The following MGAM2 variants were observed in gnomAD, a reference collection of about 807,000 sequenced individuals.
MGAM2 encodes the protein probable maltase-glucoamylase 2.
A neutral mutation model predicts 96.1 loss-of-function variants in MGAM2; 98 were observed. The ratio of observed to expected loss-of-function variants is 1.02; its 90% CI spans 0.87 to 1.21. The LOEUF is 1.21. MGAM2 is among the 50% of genes most tolerant of loss of function. The pLI is 0.00. For missense variants in MGAM2, 2,055 were observed against 1,182.4 expected (o/e 1.74, Z -10.82); for synonymous variants, 749 against 414.8 (o/e 1.81, Z -9.79).
rs1200194828 is a variant in MGAM2 at position 142,143,831 on chromosome 7, A to G, written c.1380A>G (p.Thr460=). The part of the protein sequence containing the change: ...YTNPVCTEWW[T]DQVAKFHDHL... ...ATCCAGTATGCACTGAGTGGTGGAC[A>G]GATCAGGTCGCTAAATTTCATGATC... is the stretch of plus-strand genomic sequence containing the variant. Residue 460 remains threonine, a synonymous_variant, in exon 13 of 48, where the codon ACA becomes ACG. Transcript: ENST00000477922. 1 of 702,876 alleles carries G rather than the reference A, an allele frequency of 1.4e-6. No individual in the cohort carries two copies. 43.5% of individuals were successfully genotyped at this position (702,876 alleles called of 1,614,324 possible).
At chr7:142,170,378 G>A in intron 27 of MGAM2, 149 bp downstream of exon 27, 1 of 504,324 alleles carries the variant, frequency 2.0e-6, no homozygotes, top group Non-Finnish European at 3.5e-6. Context: ...ATGCTTTAAT[G>A]GATAATTTGT....
intron 31 of MGAM2, among the ~76,000 whole-genome samples, chr7:142,174,715 C>CTTTTTTTGTTTTTTTTT (rs1796311096): frequency 1.2e-5 from 1 of 85,460 alleles, no homozygotes; most frequent in African/African-American, 5.7e-5. Context: ...CTCTCTCTCT[C>CTTTTTTTGTTTTTTTTT]TTTTTTTTTT....
chr7:142,194,929 T>G (rs1796984898), intron 37 of MGAM2, among the ~76,000 whole-genome samples: 1 of 152,204 alleles, frequency 6.6e-6, no homozygotes, highest in African/African-American at 2.4e-5. Flanking sequence ...CTTTCTCTTT[T>G]GTTCAGTTGA....
chr7:142,203,495 C>T (rs927510791), intron 45 of MGAM2, among the ~76,000 whole-genome samples: 1 of 152,050 alleles, frequency 6.6e-6, no homozygotes, highest in Non-Finnish European at 1.5e-5. Context: ...TAGAAAAAAA[C>T]TATTCTAAAA....
In MGAM2 at chr7:142,143,750, G is replaced by T. The variant is rs1371281692; in HGVS notation, c.1318-19G>T. ...ACCTTCAACCAAGCTGATTGCCACT[G>T]CCTTCCTCTGTGTCCTAGGGATATC... On this transcript the variant is annotated intron_variant, in intron 12 of 47. Transcript: ENST00000477922. The T allele has an allele frequency of 5.1e-6, 3 of 588,138 alleles. No individual in the cohort carries two copies. The highest frequency in any genetic ancestry group is 2.5e-4 in the Middle Eastern group (1 of 3,952). The allele number at this position is 588,138 out of a possible 1,614,324, so 36.4% of individuals were successfully genotyped here. A position where few individuals can be genotyped will look rare whatever the true frequency, so the allele number is the denominator to read the frequency against.
At position 142,206,861 on chromosome 7, in the gene MGAM2, G is replaced by C. The variant is rs140954308; in HGVS notation, c.5138-1712G>C. On this transcript the variant is annotated intron_variant, in intron 45 of 47. Transcript: ENST00000477922. ...ATTTATTTAACTTTTCCTCACATAG[G>C]TGATATAATGGCTGTTCAAGGATAA... is the stretch of plus-strand genomic sequence containing the variant. Among the ~76,000 whole-genome samples the C allele has an allele frequency of 3.1e-4, 47 of 152,240 alleles. No individual in the cohort carries two copies. The East Asian group carries it at 6.2e-3, about 20-fold the overall frequency.
chr7:142,191,077 G>A (rs1427179367), intron 37 of MGAM2, among the ~76,000 whole-genome samples: 1 of 151,940 alleles, frequency 6.6e-6, no homozygotes, highest in African/African-American at 2.4e-5. Context: ...TGAGGCTGCA[G>A]TGAACTATGA....
At chr7:142,152,732 T>C (rs762881568) in intron 15 of MGAM2, among the ~76,000 whole-genome samples, 5 of 152,204 alleles carry the variant, frequency 3.3e-5, no homozygotes, top group Admixed American at 6.5e-5. Context: ...AACTGTGGCG[T>C]GGCTCAGGTC....
intron 46 of MGAM2, among the ~76,000 whole-genome samples, chr7:142,214,745 A>C (rs766682285): frequency 4.6e-5 from 7 of 152,228 alleles, no homozygotes; most frequent in Admixed American, 2.0e-4. Context: ...TCAAAACCAC[A>C]ATGAGATATC....
intron 34 of MGAM2, 111 bp downstream of exon 34, chr7:142,185,250 G>A (rs1458022733): frequency 1.7e-6 from 1 of 600,032 alleles, no homozygotes; most frequent in Admixed American, 2.5e-5. Flanking sequence ...CCTAACTTGA[G>A]GGTGCTTATC....
rs1222218402 is a variant in MGAM2, at chr7:142,199,963, G to A, written c.5132G>A (p.Ser1711Asn). The change falls in exon 45 of 48, where the codon AGC becomes AAC. Residue 1711 changes from serine (S) to asparagine (N), a missense_variant. Transcript: ENST00000477922. ...EGQVFWDDGQ[S>N]IDTYENGNYF... is the part of the protein sequence containing the mutation. Reference sequence around the variant, plus strand: ...CAGGTGTTCTGGGATGATGGACAAAGCATTGGTGAGTATAAACTTTCCAGG... The same window carrying A: ...CAGGTGTTCTGGGATGATGGACAAAACATTGGTGAGTATAAACTTTCCAGG... 2 of 680,118 alleles carry A rather than the reference G, an allele frequency of 2.9e-6. No homozygotes were observed. The highest frequency in any genetic ancestry group is 2.1e-5 in the Admixed American group (1 of 47,844). The allele number at this position is 680,118 out of a possible 1,614,324, so 42.1% of individuals were successfully genotyped here.
At position 142,131,549 on chromosome 7, in the gene MGAM2, A is replaced by C; in HGVS notation, c.342A>C (p.Ser114=). 1.4e-6 allele frequency: 1 copy of C among 702,964 alleles called. No individual in the cohort carries two copies. Among genetic ancestry groups the C allele is most frequent in the Admixed American group, 2.0e-5 (1 of 50,008 alleles). The allele number at this position is 702,964 out of a possible 1,614,324, so 43.5% of individuals were successfully genotyped here. Residue 114 remains serine, a synonymous_variant, in exon 5 of 48, where the codon TCA becomes TCC. Transcript: ENST00000477922. ...GFTAQLKRLP[S]PSLFGNDVAT... is the part of the protein sequence containing the mutation. ...CTGCCCAGTTGAAAAGGTTGCCATC[A>C]CCATCTCTGTTTGGAAATGATGTCG... is the stretch of plus-strand genomic sequence containing the variant.
At chr7:142,204,693 A>G (rs1280963899) in intron 45 of MGAM2, among the ~76,000 whole-genome samples, 2 of 152,138 alleles carry the variant, frequency 1.3e-5, no homozygotes. Flanking sequence ...TGTTATTAAT[A>G]TGTAAAGTAA....
At chr7:142,213,932 C>T (rs1228202613) in intron 46 of MGAM2, among the ~76,000 whole-genome samples, 1 of 152,166 alleles carries the variant, frequency 6.6e-6, no homozygotes, top group East Asian at 1.9e-4. Flanking sequence ...TACTGGCAAA[C>T]CGAATCCAGC....
At chr7:142,119,978 C>T (rs182852546) in intron 2 of MGAM2, among the ~76,000 whole-genome samples, 24 of 152,254 alleles carry the variant, frequency 1.6e-4, no homozygotes, top group Admixed American at 5.2e-4. Flanking sequence ...AATTCGACAG[C>T]GGTCACAGGT....
chr7:142,180,084 G>C (rs1334742726), intron 32 of MGAM2, among the ~76,000 whole-genome samples: 2 of 151,932 alleles, frequency 1.3e-5, no homozygotes, highest in Non-Finnish European at 2.9e-5. Flanking sequence ...TTCAGTCTTG[G>C]GAGGTTGTGT....
chr7:142,221,828 C>G lies in MGAM2; in HGVS notation c.7317C>G (p.Leu2439=), dbSNP rs1181096780. 2.5e-6 allele frequency: 1 copy of G among 400,106 alleles called. No individual in the cohort carries two copies. The highest frequency in any genetic ancestry group is 2.1e-5 in the African/African-American group (1 of 48,614). 24.8% of individuals were successfully genotyped at this position (400,106 alleles called of 1,614,324 possible). ...GNTTHISVSN[L]TTASVTITAT... ...CGACACACATTTCTGTTTCAAATCT[C>G]ACAACAGCCTCAGTCACAATAACAG... Residue 2439 remains leucine, a synonymous_variant, in exon 48 of 48, where the codon CTC becomes CTG. Coordinates refer to ENST00000477922, the MANE Select transcript of MGAM2 (RefSeq NM_001293626.2).
At chr7:142,159,990 A>C (rs1327368043) in intron 20 of MGAM2, 144 bp from the exon 21 acceptor site, 1 of 578,152 alleles carries the variant, frequency 1.7e-6, no homozygotes, top group Non-Finnish European at 3.1e-6. Context: ...TACTACCCAT[A>C]TGCTTTCAGC....
At chr7:142,129,041 G>A (rs899233722) in intron 3 of MGAM2, among the ~76,000 whole-genome samples, 3 of 152,226 alleles carry the variant, frequency 2.0e-5, no homozygotes, top group African/African-American at 7.2e-5. Context: ...CAGAGCCACA[G>A]AGGCAGAGCT....
Sources: gnomAD v4.1 joint callset for allele counts (sites outside exome capture counted in the v4.1 genomes callset) on GRCh38, gnomAD v4.1.1 for gene constraint, MANE v1.5 for transcripts, NCBI Gene and HGNC (gene_info 2026-07-23, HGNC 2026-07-21) for gene names.